Variants in BABAM2 observed in about 807,000 individuals in gnomAD.
The protein encoded by BABAM2 is BRISC and BRCA1-A complex member 2.
In BABAM2, 31 loss-of-function variants were observed where a neutral mutation model predicts 54.7. The ratio of observed to expected loss-of-function variants is 0.57; its 90% confidence interval spans 0.43 to 0.77. The LOEUF is 0.77. Among genes scored for constraint, BABAM2 ranks in the 30% least tolerant of loss-of-function variants. The pLI is 0.00. For synonymous variants in BABAM2, 167 were observed against 162.9 expected (o/e 1.03, Z -0.19); for missense variants, 364 against 455.8 (o/e 0.80, Z 1.83).
intron 2 of BABAM2, among the ~76,000 whole-genome samples, chr2:27,915,574 T>G (rs1311732114): frequency 4.6e-5 from 7 of 152,210 alleles, no homozygotes; most frequent in Non-Finnish European, 7.4e-5. Flanking sequence ...AATACGTGGA[T>G]GGCACACTTA....
In BABAM2 at chr2:28,200,758, TTTTGTTTGTTTG is replaced by T. The variant is rs61127965; in HGVS notation, c.681-36428_681-36417del. On this transcript the variant is annotated intron_variant, in intron 7 of 11. Coordinates refer to ENST00000379624, the MANE Select transcript of BABAM2 (RefSeq NM_199191.3). The stretch of plus-strand genomic sequence containing the variant: ...TAGTTTACCAGGTATCTATGGGGTT[TTTTGTTTGTTTG>T]TTTGTTTGTTTGTTTTGAGACAGAG... 2.6e-5 allele frequency among the ~76,000 whole-genome samples: 4 copies of T among 151,064 alleles called. No individual in the cohort carries two copies. In the East Asian group the frequency reaches 5.8e-4, roughly 22 times the overall value.
intron 6 of BABAM2, among the ~76,000 whole-genome samples, chr2:28,106,688 C>T (rs1287270171): frequency 6.6e-6 from 1 of 152,196 alleles, no homozygotes; most frequent in African/African-American, 2.4e-5. Context: ...ACACTGATCA[C>T]TTTAAAGGCA....
chr2:28,171,668 T>C (rs1310132491), intron 7 of BABAM2, among the ~76,000 whole-genome samples: 1 of 152,204 alleles, frequency 6.6e-6, no homozygotes, highest in East Asian at 1.9e-4. Flanking sequence ...ATGCCTGTTT[T>C]TAATTGGACT....
intron 10 of BABAM2, among the ~76,000 whole-genome samples, chr2:28,274,007 C>T (rs947911932): frequency 6.6e-6 from 1 of 152,220 alleles, no homozygotes; most frequent in Non-Finnish European, 1.5e-5. Flanking sequence ...TTTGCCACTC[C>T]CGTGCCTTCA....
chr2:28,116,040 G>A (rs1668584707), intron 6 of BABAM2, among the ~76,000 whole-genome samples: 1 of 151,840 alleles, frequency 6.6e-6, no homozygotes, highest in African/African-American at 2.4e-5. Flanking sequence ...GCTTGAACCT[G>A]GGAGGCGGAG....
intron 11 of BABAM2, chr2:28,310,317 G>T (rs1293167047): frequency 4.4e-6 from 3 of 675,554 alleles, no homozygotes; most frequent in Non-Finnish European, 7.3e-6. Flanking sequence ...ACCAGGCACG[G>T]AGTGTTTACA....
rs1666152628 is a variant in BABAM2, at chr2:28,091,486, A to G, written c.571-37785A>G. On this transcript the variant is annotated intron_variant, in intron 6 of 11. Coordinates refer to ENST00000379624, the MANE Select transcript of BABAM2 (RefSeq NM_199191.3). ...ACTGGAGAACTCATTTCTCACCTTG[A>G]CCTATTCATCCGTCTTTAAAATACC... 2.0e-5 allele frequency among the ~76,000 whole-genome samples: 3 copies of G among 152,152 alleles called. No homozygotes were observed. In the South Asian group the frequency reaches 6.2e-4, roughly 32 times the overall value.
chr2:28,132,024 C>G (rs1453910835), intron 7 of BABAM2, among the ~76,000 whole-genome samples: 3 of 152,098 alleles, frequency 2.0e-5, no homozygotes, highest in African/African-American at 7.2e-5. Flanking sequence ...TAGTCTCACT[C>G]TAAAAATCTA....
intron 11 of BABAM2, among the ~76,000 whole-genome samples, chr2:28,303,915 C>G (rs181123939): frequency 2.6e-5 from 4 of 151,920 alleles, no homozygotes; most frequent in Admixed American, 1.3e-4. Flanking sequence ...GAGTCTTGCT[C>G]TGTTGCCCAG....
intron 6 of BABAM2, among the ~76,000 whole-genome samples, chr2:28,108,140 A>C (rs1270018732): frequency 6.6e-6 from 1 of 151,964 alleles, no homozygotes; most frequent in African/African-American, 2.4e-5. Flanking sequence ...CCTGCTTTGT[A>C]CTGTTTTACA....
At chr2:28,013,822 G>C (rs1251594543) in intron 4 of BABAM2, among the ~76,000 whole-genome samples, 6 of 151,766 alleles carry the variant, frequency 4.0e-5, no homozygotes, top group Non-Finnish European at 5.9e-5. Context: ...AGGAGGGGCA[G>C]AACCACAATC....
chr2:28,104,956 G>A (rs1245122039), intron 6 of BABAM2, among the ~76,000 whole-genome samples: 1 of 150,852 alleles, frequency 6.6e-6, no homozygotes, highest in East Asian at 2.0e-4. Flanking sequence ...ACCAAACACT[G>A]CATGTTCTCA....
intron 4 of BABAM2, among the ~76,000 whole-genome samples, chr2:28,020,663 A>G (rs915666021): frequency 1.1e-4 from 17 of 152,120 alleles, no homozygotes; most frequent in African/African-American, 4.1e-4. Flanking sequence ...TTTCTGTGCT[A>G]TTGTAATTGT....
intron 3 of BABAM2, among the ~76,000 whole-genome samples, chr2:27,947,200 A>G (rs929923610): frequency 2.6e-5 from 4 of 151,810 alleles, no homozygotes; most frequent in African/African-American, 9.7e-5. Context: ...TTATTTTCTA[A>G]TTGTTATGTC....
intron 6 of BABAM2, among the ~76,000 whole-genome samples, chr2:28,056,149 C>T (rs760316532): frequency 1.3e-5 from 2 of 152,008 alleles, no homozygotes; most frequent in Non-Finnish European, 2.9e-5. Context: ...TCAGAGGGTA[C>T]GAAGAGCACC....
chr2:28,040,476 A>T (rs1677008573), intron 5 of BABAM2, among the ~76,000 whole-genome samples: 1 of 150,338 alleles, frequency 6.7e-6, no homozygotes, highest in Non-Finnish European at 1.5e-5. Flanking sequence ...AATTTTTTGT[A>T]TTTTTAGTAG....
chr2:28,137,140 T>C lies in BABAM2; in HGVS notation c.680+7760T>C, dbSNP rs572819247. 7.2e-5 allele frequency among the ~76,000 whole-genome samples: 11 copies of C among 152,290 alleles called. No individual in the cohort carries two copies. The South Asian group carries it at 2.1e-3, about 29-fold the overall frequency. On this transcript the variant is annotated intron_variant, in intron 7 of 11. Coordinates refer to ENST00000379624, the MANE Select transcript of BABAM2 (RefSeq NM_199191.3). Reference sequence around the variant, plus strand: ...TGAAAAAAAATCCGTATCAGTCTTCTCAAAAAAGAGACCTTCCAGATCTCT... The same window carrying C: ...TGAAAAAAAATCCGTATCAGTCTTCCCAAAAAAGAGACCTTCCAGATCTCT...
chr2:28,033,703 A>G (rs891520443), intron 5 of BABAM2, among the ~76,000 whole-genome samples: 2 of 152,162 alleles, frequency 1.3e-5, no homozygotes, highest in African/African-American at 4.8e-5. Flanking sequence ...ATTAATTGCA[A>G]CAAAGCACAA....
chr2:28,199,670 T>C (rs1678037414), intron 7 of BABAM2, among the ~76,000 whole-genome samples: 1 of 152,162 alleles, frequency 6.6e-6, no homozygotes, highest in Non-Finnish European at 1.5e-5. Flanking sequence ...TAGTTGGCAG[T>C]AAGGCAAGTG....
Sources: allele counts gnomAD v4.1 joint callset (sites outside exome capture counted in the v4.1 genomes callset), GRCh38; gene constraint gnomAD v4.1.1; transcripts MANE v1.5; gene names NCBI Gene and HGNC (gene_info 2026-07-23, HGNC 2026-07-21).